Variants in HERC3 observed in about 807,000 individuals in gnomAD.
HERC3 encodes HECT and RLD domain containing E3 ubiquitin protein ligase 3, also known as probable E3 ubiquitin-protein ligase HERC3.
Under a neutral mutation model 129.9 loss-of-function variants are expected in HERC3, and 58 were observed. That is an observed-to-expected ratio of 0.45 (90% CI 0.36 to 0.56). The LOEUF is 0.56. HERC3 is among the 20% of genes least tolerant of loss of function. The pLI is 0.00. For missense variants in HERC3, 835 were observed against 1,244.2 expected (o/e 0.67, Z 4.95); for synonymous variants, 430 against 451.0 (o/e 0.95, Z 0.59).
At chr4:88,569,445 T>C in the HERC3 span, among the ~76,000 whole-genome samples, 2 of 152,228 alleles carry the variant, frequency 1.3e-5, no homozygotes, top group Non-Finnish European at 2.9e-5. Context: ...GCTCACTTGA[T>C]TTTTGGTTCT....
At chr4:88,699,518 T>C (rs1321698344) in intron 23 of HERC3, among the ~76,000 whole-genome samples, 2 of 149,926 alleles carry the variant, frequency 1.3e-5, no homozygotes, top group Non-Finnish European at 2.9e-5. Context: ...TCATCTCTTT[T>C]GATGGCTACA....
At chr4:88,582,038 G>A in the HERC3 span, among the ~76,000 whole-genome samples, 20 of 152,126 alleles carry the variant, frequency 1.3e-4, no homozygotes, top group African/African-American at 3.6e-4. Flanking sequence ...TGTCAACCCC[G>A]TATACTAAAG....
chr4:88,590,120 G>A (rs1721624311), upstream of HERC3, among the ~76,000 whole-genome samples: 1 of 151,758 alleles, frequency 6.6e-6, no homozygotes, highest in Admixed American at 6.6e-5. Flanking sequence ...GTACAAAAAT[G>A]AGCCGGGTGT....
rs982182005 is a variant in HERC3 at position 88,708,191 on chromosome 4, T to A, written c.*1231T>A. 2.0e-5 allele frequency: 3 copies of A among 152,562 alleles called. No homozygotes were observed. Among genetic ancestry groups the A allele is most frequent in the African/African-American group, 7.2e-5 (3 of 41,436 alleles). 9.5% of individuals were successfully genotyped at this position (152,562 alleles called of 1,614,324 possible). Reference sequence around the variant, plus strand: ...GTGTTTAAATCAAATATATGTATTTTAAAAATAATGACATGCTCAACCTTC... The same window carrying A: ...GTGTTTAAATCAAATATATGTATTTAAAAAATAATGACATGCTCAACCTTC... On this transcript the variant is annotated 3_prime_UTR_variant, in exon 26 of 26. Transcript: ENST00000402738.
At chr4:88,524,133 G>C in the HERC3 span, among the ~76,000 whole-genome samples, 1 of 152,182 alleles carries the variant, frequency 6.6e-6, no homozygotes, top group Non-Finnish European at 1.5e-5. Context: ...CGAATGTATT[G>C]TCATGGATGT....
chr4:88,702,734 C>T (rs1011125482), intron 23 of HERC3, among the ~76,000 whole-genome samples: 3 of 152,350 alleles, frequency 2.0e-5, no homozygotes, highest in Middle Eastern at 3.4e-3. Context: ...ATGTTAGCGT[C>T]TCTGCATTAC....
chr4:88,577,617 A>ATATATATATAT, the HERC3 span, among the ~76,000 whole-genome samples: 2 of 149,792 alleles, frequency 1.3e-5, no homozygotes, highest in Non-Finnish European at 1.5e-5. Flanking sequence ...ATATATATAT[A>ATATATATATAT]ATAGGTTTGT....
chr4:88,669,428 G>A (rs1477926867), intron 14 of HERC3, among the ~76,000 whole-genome samples: 1 of 152,170 alleles, frequency 6.6e-6, no homozygotes, highest in African/African-American at 2.4e-5. Context: ...GAAGGGAATG[G>A]TTGCCATATT....
intron 16 of HERC3, among the ~76,000 whole-genome samples, chr4:88,675,976 T>C (rs1472941982): frequency 6.6e-6 from 1 of 152,060 alleles, no homozygotes; most frequent in Non-Finnish European, 1.5e-5. Flanking sequence ...TTGTGGAGAG[T>C]TAGTGACATG....
At chr4:88,642,221 T>TGTC (rs1728194056) in intron 3 of HERC3, among the ~76,000 whole-genome samples, 1 of 150,612 alleles carries the variant, frequency 6.6e-6, no homozygotes, top group South Asian at 2.1e-4. Context: ...AGCATTTAGA[T>TGTC]AAGAAATGAC....
At chr4:88,540,543 C>A in the HERC3 span, among the ~76,000 whole-genome samples, 19 of 152,180 alleles carry the variant, frequency 1.2e-4, no homozygotes, top group Admixed American at 7.2e-4. Context: ...TCAAGGAGAA[C>A]TTCCCTCACC....
chr4:88,707,757 A>G lies in HERC3; in HGVS notation c.*797A>G, dbSNP rs1317203245. The G allele has an allele frequency of 6.6e-6, 1 of 152,200 alleles. No homozygotes were observed. Among genetic ancestry groups the G allele is most frequent in the African/African-American group, 2.4e-5 (1 of 41,372 alleles). The allele number at this position is 152,200 out of a possible 1,614,324, so 9.4% of individuals were successfully genotyped here. ...AATTGATAGACCCACCACCTCTTGC[A>G]CTCTCGCTTTTGGAGCAAGTTGCAT... is the stretch of plus-strand genomic sequence containing the variant. On this transcript the variant is annotated 3_prime_UTR_variant, in exon 26 of 26. Transcript: ENST00000402738.
intron 3 of HERC3, among the ~76,000 whole-genome samples, chr4:88,642,493 A>C (rs1728230232): frequency 6.6e-6 from 1 of 152,224 alleles, no homozygotes; most frequent in Admixed American, 6.5e-5. Context: ...CTATAACAAA[A>C]ATATCACAAA....
chr4:88,657,321 C>T (rs1217441284), intron 9 of HERC3: 1 of 152,172 alleles, frequency 6.6e-6, no homozygotes, highest in Non-Finnish European at 1.5e-5. Flanking sequence ...CTGGCATGAA[C>T]TTGTCACTCA....
chr4:88,677,881 C>A, intron 18 of HERC3, 83 bp from the exon 19 acceptor site: 1 of 1,284,166 alleles, frequency 7.8e-7, no homozygotes, highest in Non-Finnish European at 1.1e-6. Context: ...AGTCAGCGCC[C>A]CCAAGTCCAG....
chr4:88,615,113 A>G (rs1469022480), intron 3 of HERC3, among the ~76,000 whole-genome samples: 1 of 152,178 alleles, frequency 6.6e-6, no homozygotes, highest in Non-Finnish European at 1.5e-5. Context: ...AGCTTTGGAG[A>G]TGGTTTCAGG....
At chr4:88,533,727 G>A in the HERC3 span, among the ~76,000 whole-genome samples, 3 of 152,094 alleles carry the variant, frequency 2.0e-5, no homozygotes, top group Admixed American at 2.0e-4. Context: ...TTCTAATCTA[G>A]GCCTCAATGA....
At chr4:88,617,732 G>A (rs551068110) in intron 3 of HERC3, among the ~76,000 whole-genome samples, 2 of 152,140 alleles carry the variant, frequency 1.3e-5, no homozygotes, top group Non-Finnish European at 2.9e-5. Flanking sequence ...TTAGCAGGGC[G>A]TGGTGGTGGG....
chr4:88,689,312 G>A (rs1041631908), intron 23 of HERC3, among the ~76,000 whole-genome samples: 1 of 150,722 alleles, frequency 6.6e-6, no homozygotes, highest in South Asian at 2.1e-4. Context: ...CAAGACCAGC[G>A]TGGGCAAGAT....
Sources: gnomAD v4.1 joint callset for allele counts (sites outside exome capture counted in the v4.1 genomes callset) on GRCh38, gnomAD v4.1.1 for gene constraint, MANE v1.5 for transcripts, NCBI Gene and HGNC (gene_info 2026-07-23, HGNC 2026-07-21) for gene names.